The following CNTNAP2 variants were observed in gnomAD, a reference collection of about 807,000 sequenced individuals.
The protein encoded by CNTNAP2 is contactin associated protein 2.
A neutral mutation model predicts 155.2 loss-of-function variants in CNTNAP2; 98 were observed. The ratio of observed to expected loss-of-function variants is 0.63; its 90% CI spans 0.54 to 0.75. CNTNAP2 has a LOEUF of 0.75. Among genes scored for constraint, CNTNAP2 ranks in the 30% least tolerant of loss-of-function variants. CNTNAP2 has a pLI of 0.00. For synonymous variants in CNTNAP2, 651 were observed against 631.2 expected (o/e 1.03, Z -0.47); for missense variants, 1,727 against 1,688.1 (o/e 1.02, Z -0.40).
chr7:147,601,644 A>AAAAAAAATATATATAT (rs1299075338), intron 12 of CNTNAP2, among the ~76,000 whole-genome samples: 1 of 87,468 alleles, frequency 1.1e-5, no homozygotes, highest in African/African-American at 4.3e-5. Context: ...CTTAAAAAAA[A>AAAAAAAATATATATAT]ATATATATAT....
chr7:147,020,781 T>A (rs1798804804), intron 3 of CNTNAP2, among the ~76,000 whole-genome samples: 1 of 152,058 alleles, frequency 6.6e-6, no homozygotes, highest in East Asian at 1.9e-4. Flanking sequence ...TGAACATAGT[T>A]TCAGAAGTCA....
intron 3 of CNTNAP2, among the ~76,000 whole-genome samples, chr7:146,928,486 C>G (rs535106426): frequency 1.3e-5 from 2 of 152,286 alleles, no homozygotes; most frequent in African/African-American, 4.8e-5. Context: ...CAGCTCCGGT[C>G]TACAGCTCCC....
At chr7:146,937,156 G>C (rs1343568197) in intron 3 of CNTNAP2, among the ~76,000 whole-genome samples, 2 of 151,934 alleles carry the variant, frequency 1.3e-5, no homozygotes, top group Non-Finnish European at 2.9e-5. Flanking sequence ...GGGAGGCCAA[G>C]GCAGGCGGAT....
chr7:146,232,397 T>C (rs1799401322), intron 1 of CNTNAP2, among the ~76,000 whole-genome samples: 1 of 151,966 alleles, frequency 6.6e-6, no homozygotes, highest in Admixed American at 6.6e-5. Context: ...GAAATCTAAA[T>C]TAAAAGCTGT....
In CNTNAP2 at chr7:147,871,661, C is replaced by CTTT. The variant is rs5888290; in HGVS notation, c.2099-31892_2099-31890dup. Among the ~76,000 whole-genome samples, 1,058 of 142,522 alleles carry CTTT rather than the reference C, an allele frequency of 7.4e-3. 16 individuals carry two copies. The highest frequency in any genetic ancestry group is 0.025 in the African/African-American group (966 of 38,814). 93.5% of individuals were successfully genotyped at this position (142,522 alleles called of 152,430 possible). On this transcript the variant is annotated intron_variant, in intron 13 of 23. Transcript: ENST00000361727. ...CACCCATTCTTCTCCATTCCTTTCTCTTTTTTTTTTTTTTGCCCCTTTTTT... is the reference window on the plus strand; with the variant it reads ...CACCCATTCTTCTCCATTCCTTTCTCTTTTTTTTTTTTTTTTTGCCCCTTTTTT...
At chr7:147,410,457 G>T (rs1040345105) in intron 10 of CNTNAP2, among the ~76,000 whole-genome samples, 1 of 152,142 alleles carries the variant, frequency 6.6e-6, no homozygotes, top group Non-Finnish European at 1.5e-5. Context: ...CATTACCTAG[G>T]TGATGAAATA....
rs867962261 is a variant in CNTNAP2 at position 147,366,772 on chromosome 7, T to C, written c.1499-28837T>C. On this transcript the variant is annotated intron_variant, in intron 9 of 23. Coordinates refer to ENST00000361727, the MANE Select transcript of CNTNAP2 (RefSeq NM_014141.6). ...TGTTTTTAAGTGATTTTTTACGAAT[T>C]TGTTGCACGCACACACACACACACA... Among the ~76,000 whole-genome samples the C allele has an allele frequency of 5.6e-5, 6 of 108,080 alleles. No individual in the cohort carries two copies. The South Asian group carries it at 2.1e-3, about 38-fold the overall frequency. 70.9% of individuals were successfully genotyped at this position (108,080 alleles called of 152,430 possible).
chr7:148,145,312 C>A (rs552257413), intron 16 of CNTNAP2, among the ~76,000 whole-genome samples: 1 of 152,004 alleles, frequency 6.6e-6, no homozygotes, highest in Non-Finnish European at 1.5e-5. Flanking sequence ...GTTAAGGTGA[C>A]GGTGAAGAAA....
chr7:146,125,581 CAAAAAAAAAAAA>C lies in CNTNAP2; in HGVS notation c.97+8622_97+8633del, dbSNP rs57234097. ...ACAGAGCAGAGCGAGACTCCGTCTC[CAAAAAAAAAAAA>C]AAAAAAAAAAAAAGAATAACTATTT... On this transcript the variant is annotated intron_variant, in intron 1 of 23. Coordinates refer to ENST00000361727, the MANE Select transcript of CNTNAP2 (RefSeq NM_014141.6). Among the ~76,000 whole-genome samples the C allele has an allele frequency of 6.1e-3, 358 of 58,908 alleles. 4 individuals carry two copies. Among genetic ancestry groups the C allele is most frequent in the African/African-American group, 0.022 (344 of 15,764 alleles). 38.6% of individuals were successfully genotyped at this position (58,908 alleles called of 152,430 possible).
chr7:146,300,175 A>G (rs1191445843), intron 1 of CNTNAP2, among the ~76,000 whole-genome samples: 1 of 152,232 alleles, frequency 6.6e-6, no homozygotes, highest in Non-Finnish European at 1.5e-5. Flanking sequence ...GTCTATAAGA[A>G]CAAAGAATAT....
intron 8 of CNTNAP2, among the ~76,000 whole-genome samples, chr7:147,169,687 G>A (rs71530772): frequency 0.085 from 12,891 of 152,054 alleles, 608 homozygotes; most frequent in Middle Eastern, 0.12. Flanking sequence ...CTAGAGGAAT[G>A]GATAAATTCT....
At chr7:147,463,119 T>C (rs566969157) in intron 10 of CNTNAP2, among the ~76,000 whole-genome samples, 6 of 152,324 alleles carry the variant, frequency 3.9e-5, no homozygotes, top group African/African-American at 1.4e-4. Context: ...ATTTGTGCCC[T>C]GGGTCCTCTA....
intron 9 of CNTNAP2, among the ~76,000 whole-genome samples, chr7:147,363,993 A>G (rs913874076): frequency 1.3e-5 from 2 of 152,200 alleles, no homozygotes; most frequent in Non-Finnish European, 1.5e-5. Context: ...CCAAGTTATT[A>G]AATAACTTGT....
chr7:147,793,651 G>C (rs1386380084), intron 13 of CNTNAP2, among the ~76,000 whole-genome samples: 1 of 152,012 alleles, frequency 6.6e-6, no homozygotes, highest in African/African-American at 2.4e-5. Context: ...GCTGTTCTGA[G>C]TCCCTTGAAT....
intron 9 of CNTNAP2, among the ~76,000 whole-genome samples, chr7:147,324,882 A>G (rs1795423088): frequency 6.6e-6 from 1 of 152,190 alleles, no homozygotes; most frequent in African/African-American, 2.4e-5. Context: ...CTTGTTTGAA[A>G]CAACATATGT....
At chr7:147,268,816 G>A (rs10278315) in intron 8 of CNTNAP2, among the ~76,000 whole-genome samples, 121,232 of 152,114 alleles carry the variant, frequency 0.8, 48,766 homozygotes, top group African/African-American at 0.92. Context: ...CTATTACACA[G>A]AAGAATCGAA....
In CNTNAP2 at chr7:148,229,802, A is replaced by T. The variant is rs147548518; in HGVS notation, c.3381+23A>T. ...AAGGTATACATACATGTACATATAA[A>T]TTACATATAATATCGCATTATAGTC... On this transcript the variant is annotated intron_variant, in intron 20 of 23. Transcript: ENST00000361727. The T allele has an allele frequency of 6.0e-5, 97 of 1,613,446 alleles. No individual in the cohort carries two copies. The East Asian group carries it at 2.2e-3, about 36-fold the overall frequency.
intron 1 of CNTNAP2, among the ~76,000 whole-genome samples, chr7:146,737,634 T>C (rs1488885013): frequency 6.6e-6 from 1 of 152,118 alleles, no homozygotes; most frequent in Non-Finnish European, 1.5e-5. Context: ...CATTGGGTTT[T>C]AATTTGCATT....
chr7:148,026,286 A>C (rs939725476), intron 15 of CNTNAP2, among the ~76,000 whole-genome samples: 2 of 150,968 alleles, frequency 1.3e-5, no homozygotes, highest in Non-Finnish European at 3.0e-5. Context: ...TCGTCTCTAC[A>C]AAAAAAAAAT....
Sources: allele counts gnomAD v4.1 joint callset (sites outside exome capture counted in the v4.1 genomes callset), GRCh38; gene constraint gnomAD v4.1.1; transcripts MANE v1.5; gene names NCBI Gene and HGNC (gene_info 2026-07-23, HGNC 2026-07-21).